The following CLSTN3 variants were observed in gnomAD, a reference collection of about 807,000 sequenced individuals.
CLSTN3 encodes calsyntenin-3.
A neutral mutation model predicts 95.9 loss-of-function variants in CLSTN3; 36 were observed. The ratio of observed to expected loss-of-function variants is 0.38; its 90% confidence interval spans 0.29 to 0.50. CLSTN3 has a LOEUF of 0.50. Ranked by LOEUF, CLSTN3 falls within the 20% of genes least tolerant of loss-of-function variation. The probability of loss-of-function intolerance (pLI) is 0.95; values close to 1 mark genes in which losing one functional copy is unlikely to be tolerated. For synonymous variants in CLSTN3, 481 were observed against 504.0 expected, an observed-to-expected ratio of 0.95 and a Z score of 0.61; for missense variants, 1,084 against 1,268.8, an observed-to-expected ratio of 0.85 and a Z score of 2.21.
rs988948667 is a variant in CLSTN3, at chr12:7,149,042, G to A, written c.1918G>A (p.Ala640Thr). 17 of 1,614,066 alleles carry A rather than the reference G, an allele frequency of 1.1e-5. No individual in the cohort carries two copies. Among genetic ancestry groups the A allele is most frequent in the Admixed American group, 5.0e-5 (3 of 60,016 alleles). Reference protein sequence around the residue: ...EGYVVVLQPDAPQILLSGTAH... With the variant: ...EGYVVVLQPDTPQILLSGTAH... ...CTACGTGGTCGTCCTTCAGCCTGAC[G>A]CCCCCCAGATCCTGCTGAGTGGCAC... Residue 640 changes from alanine to threonine, a missense_variant, in exon 13 of 18, where the codon GCC (alanine) becomes ACC (threonine). Coordinates refer to ENST00000266546, the MANE Select transcript of CLSTN3 (RefSeq NM_014718.4). The surrounding 1 kb of genome is among the most constrained non-coding windows in gnomAD (Gnocchi z 4.5).
Position 7,141,093 on chromosome 12 carries a change from G to A in CLSTN3, c.1324-149G>A, listed in dbSNP as rs114628827. On this transcript the variant is annotated intron_variant, in intron 8 of 17. Transcript: ENST00000266546. The surrounding 1 kb of genome is among the most constrained non-coding windows in gnomAD (Gnocchi z 4.1). Reference sequence around the variant, plus strand: ...GACAAGGATGTTATTCCTCGAGCTGGATAGGCAGCAAAGCACTAGTAAGCC... The same window carrying A: ...GACAAGGATGTTATTCCTCGAGCTGAATAGGCAGCAAAGCACTAGTAAGCC... 50 of 836,500 alleles carry A rather than the reference G, an allele frequency of 6.0e-5. 1 individual carries two copies. The highest frequency in any genetic ancestry group is 8.7e-5 in the Non-Finnish European group (47 of 538,570). The allele number at this position is 836,500 out of a possible 1,614,324, so 51.8% of individuals were successfully genotyped here. A position where few individuals can be genotyped will look rare whatever the true frequency, so the allele number is the denominator to read the frequency against.
chr12:7,132,058 A>T (rs1274184805), intron 1 of CLSTN3, among the ~76,000 whole-genome samples: 5 of 151,758 alleles, frequency 3.3e-5, no homozygotes, highest in Non-Finnish European at 5.9e-5. Flanking sequence ...GTGGAAGGGG[A>T]GGAAATATGC....
Position 7,130,529 on chromosome 12 carries a change from C to T in CLSTN3, c.-120C>T. 6.5e-7 allele frequency: 1 copy of T among 1,542,708 alleles called. No individual in the cohort carries two copies. The highest frequency in any genetic ancestry group is 8.7e-7 in the Non-Finnish European group (1 of 1,146,368). On this transcript the variant is annotated 5_prime_UTR_variant, in exon 1 of 18. Transcript: ENST00000266546. ...GTGGGCGGCAGGCTCCTTTCCGTCC[C>T]TGCCCTGCTGTACCCCGCTCCTTGG...
In CLSTN3 at chr12:7,151,074, C is replaced by T; in HGVS notation, c.2527+11C>T. 6.4e-7 allele frequency: 1 copy of T among 1,565,742 alleles called. No individual in the cohort carries two copies. The highest frequency in any genetic ancestry group is 8.7e-7 in the Non-Finnish European group (1 of 1,152,672). The stretch of plus-strand genomic sequence containing the variant: ...CCCACAGAAACTCCAGTACGTAAGC[C>T]TGGTGGGGCTGGGCAGGGAGGGGCA... On this transcript the variant is annotated intron_variant, in intron 16 of 17. Transcript: ENST00000266546.
intron 11 of CLSTN3, 52 bp downstream of exon 11, chr12:7,143,078 C>G (rs761003814): frequency 3.8e-6 from 6 of 1,596,768 alleles, no homozygotes; most frequent in Non-Finnish European, 4.3e-6. Context: ...CTTGCCCCAC[C>G]CCCTTGCCCT....
In CLSTN3 at chr12:7,135,356, T is replaced by A. The variant is rs1472336128; in HGVS notation, c.413T>A (p.Val138Glu). The change falls in exon 4 of 18, where the codon GTG becomes GAG. Residue 138 changes from valine to glutamate, a missense_variant. Val to Glu is a moderately radical substitution (Grantham distance 121, BLOSUM62 -2). Coordinates refer to ENST00000266546, the MANE Select transcript of CLSTN3 (RefSeq NM_014718.4). Reference sequence around the variant, plus strand: ...ACTGTGCATGTGCGGGTCAACGATGTGAACGAGTTTGCCCCAGTGTTTGTG... The same window carrying A: ...ACTGTGCATGTGCGGGTCAACGATGAGAACGAGTTTGCCCCAGTGTTTGTG... ...KATVHVRVND[V>E]NEFAPVFVER... 2 of 1,614,042 alleles carry A rather than the reference T, an allele frequency of 1.2e-6. No individual in the cohort carries two copies. Among genetic ancestry groups the A allele is most frequent in the Non-Finnish European group, 8.5e-7 (1 of 1,180,016 alleles).
chr12:7,132,785 TG>T lies in CLSTN3; in HGVS notation c.65-238del. 9.9e-6 allele frequency: 6 copies of T among 606,438 alleles called. No individual in the cohort carries two copies. The South Asian group carries it at 1.2e-4, about 12-fold the overall frequency. 37.6% of individuals were successfully genotyped at this position (606,438 alleles called of 1,614,324 possible). On this transcript the variant is annotated intron_variant, in intron 1 of 17. Coordinates refer to ENST00000266546, the MANE Select transcript of CLSTN3 (RefSeq NM_014718.4). The stretch of plus-strand genomic sequence containing the variant: ...CCTCCTCTTCACCCCCAGGGCAGGT[TG>T]TTTCCATGGGAACTGTCTACCCTGC...
Position 7,137,625 on chromosome 12 carries a change from GT to G in CLSTN3, c.1211-328del, listed in dbSNP as rs1939451531. Among the ~76,000 whole-genome samples the G allele has an allele frequency of 6.6e-6, 1 of 152,062 alleles. No homozygotes were observed. The highest frequency in any genetic ancestry group is 1.5e-5 in the Non-Finnish European group (1 of 68,016). ...GACCTTGACAACTCTTTTGAAAAGGGTTGTCACCCATGATGTATGTATTAAC... is the reference window on the plus strand; with the variant it reads ...GACCTTGACAACTCTTTTGAAAAGGGTGTCACCCATGATGTATGTATTAAC... On this transcript the variant is annotated intron_variant, in intron 7 of 17. Transcript: ENST00000266546. This position sits in a 1 kb window ranked among gnomAD's most constrained non-coding sequence, Gnocchi z 4.4.
intron 16 of CLSTN3, among the ~76,000 whole-genome samples, chr12:7,153,810 C>T (rs921434182): frequency 6.6e-6 from 1 of 152,108 alleles, no homozygotes; most frequent in African/African-American, 2.4e-5. Context: ...TGGTATAAGG[C>T]CCCAGGTGAG....
Position 7,158,391 on chromosome 12 carries a change from A to G in CLSTN3, c.*310A>G, listed in dbSNP as rs1019940631. On this transcript the variant is annotated 3_prime_UTR_variant, in exon 18 of 18. Transcript: ENST00000266546. Reference sequence around the variant, plus strand: ...AATGGCAGCTGCCCCCTTAGCACTCACTGTGTTGGGGAGAGGGTGACGATT... The same window carrying G: ...AATGGCAGCTGCCCCCTTAGCACTCGCTGTGTTGGGGAGAGGGTGACGATT... 2 of 208,556 alleles carry G rather than the reference A, an allele frequency of 9.6e-6. No individual in the cohort carries two copies. The highest frequency in any genetic ancestry group is 4.7e-5 in the African/African-American group (2 of 42,224). The allele number at this position is 208,556 out of a possible 1,614,324, so 12.9% of individuals were successfully genotyped here.
At chr12:7,129,725 CG>C, upstream of CLSTN3, 17 of 985,488 alleles carry the variant, frequency 1.7e-5, no homozygotes, top group Non-Finnish European at 2.0e-5. The surrounding 1 kb of genome is among the most constrained non-coding windows in gnomAD (Gnocchi z 5.5). Flanking sequence ...GCCATCGTCC[CG>C]GGCTTCAGAA....
chr12:7,156,960 C>G (rs1322115920), intron 16 of CLSTN3: 3 of 382,054 alleles, frequency 7.9e-6, no homozygotes, highest in South Asian at 3.9e-5. Context: ...CTCTGTGCCC[C>G]TTGGACTTGT....
rs1288660439 is a variant in CLSTN3, at chr12:7,143,000, T to C, written c.1672T>C (p.Phe558Leu). The C allele has an allele frequency of 6.2e-7, 1 of 1,613,968 alleles. No homozygotes were observed. Among genetic ancestry groups the C allele is most frequent in the Non-Finnish European group, 8.5e-7 (1 of 1,179,992 alleles). The change falls in exon 11 of 18, where the codon TTC becomes CTC. Residue 558 changes from phenylalanine (F) to leucine (L), a missense_variant. Physicochemically the swap from Phe to Leu is conservative, Grantham distance 22. Transcript: ENST00000266546. ...TCGGGAGGGGCTGGACTATAGGGAT[T>C]TCGAGAGCCTGGGCAAAGGCATGAA... ...ACREGLDYRD[F>L]ESLGKGMKVH...
intron 12 of CLSTN3, 137 bp downstream of exon 12, chr12:7,143,448 C>A (rs1330152974): frequency 3.9e-5 from 35 of 905,346 alleles, no homozygotes; most frequent in Non-Finnish European, 5.4e-5. Context: ...CAAATGGAGA[C>A]AATTGACCAC....
Position 7,158,291 on chromosome 12 carries a change from G to T in CLSTN3, c.*210G>T. 1.8e-6 allele frequency: 1 copy of T among 551,728 alleles called. No individual in the cohort carries two copies. Among genetic ancestry groups the T allele is most frequent in the Non-Finnish European group, 3.1e-6 (1 of 323,120 alleles). The allele number at this position is 551,728 out of a possible 1,614,324, so 34.2% of individuals were successfully genotyped here. A position where few individuals can be genotyped will look rare whatever the true frequency, so the allele number is the denominator to read the frequency against. ...CCATCCCTCACTTCTGGGCTGTCAT[G>T]CTCCTGGTGTGCCCCTTGCACTGGG... On this transcript the variant is annotated 3_prime_UTR_variant, in exon 18 of 18. Coordinates refer to ENST00000266546, the MANE Select transcript of CLSTN3 (RefSeq NM_014718.4).
chr12:7,131,197 C>T, intron 1 of CLSTN3: 1 of 237,054 alleles, frequency 4.2e-6, no homozygotes. Context: ...ATGTTTTTTG[C>T]GTGTGCCTCT....
intron 16 of CLSTN3, chr12:7,156,881 C>T (rs1163949524): frequency 2.2e-6 from 1 of 454,548 alleles, no homozygotes; most frequent in South Asian, 1.6e-5. Flanking sequence ...GTCCCGGAGC[C>T]CCAAGCCCAC....
In CLSTN3 at chr12:7,133,872, C is replaced by T; in HGVS notation, c.383+104C>T. 3 of 943,280 alleles carry T rather than the reference C, an allele frequency of 3.2e-6. No homozygotes were observed. Among genetic ancestry groups the T allele is most frequent in the South Asian group, 3.4e-5 (2 of 58,422 alleles). 58.4% of individuals were successfully genotyped at this position (943,280 alleles called of 1,614,324 possible). On this transcript the variant is annotated intron_variant, in intron 3 of 17. Coordinates refer to ENST00000266546, the MANE Select transcript of CLSTN3 (RefSeq NM_014718.4). This position sits in a 1 kb window ranked among gnomAD's most constrained non-coding sequence, Gnocchi z 4.7. ...GCGGTCATCGAATATCCACCCCCACCCGCTGCTGTTCCTAGGACTTAGGGA... is the reference window on the plus strand; with the variant it reads ...GCGGTCATCGAATATCCACCCCCACTCGCTGCTGTTCCTAGGACTTAGGGA...
rs1939344200 is a variant in CLSTN3, at chr12:7,133,480, GGGA to G, written c.188-88_188-86del. The G allele has an allele frequency of 8.9e-6, 11 of 1,237,766 alleles. No individual in the cohort carries two copies. The South Asian group carries it at 1.4e-4, about 16-fold the overall frequency. 76.7% of individuals were successfully genotyped at this position (1,237,766 alleles called of 1,614,324 possible). On this transcript the variant is annotated intron_variant, in intron 2 of 17. Coordinates refer to ENST00000266546, the MANE Select transcript of CLSTN3 (RefSeq NM_014718.4). The surrounding 1 kb of genome is among the most constrained non-coding windows in gnomAD (Gnocchi z 4.7). ...CCTACAGGAGAAGGGACAGGGCTTT[GGGA>G]GGAGAGGTGGAGCTGGACCCCAGGT... is the stretch of plus-strand genomic sequence containing the variant.
Sources: allele counts gnomAD v4.1 joint callset (sites outside exome capture counted in the v4.1 genomes callset), GRCh38; gene constraint gnomAD v4.1.1; non-coding constraint Gnocchi (gnomAD v3.1); transcripts MANE v1.5; gene names NCBI Gene and HGNC (gene_info 2026-07-23, HGNC 2026-07-21).